COA1: variants seen among roughly 807,000 people sequenced by gnomAD.
COA1 encodes cytochrome c oxidase assembly factor 1, also known as cytochrome c oxidase assembly factor 1 homolog.
A neutral mutation model predicts 16.0 loss-of-function variants in COA1; 13 were observed. The ratio of observed to expected loss-of-function variants is 0.81; its 90% CI spans 0.53 to 1.29. The LOEUF (loss-of-function observed/expected upper bound fraction) is 1.29, where lower values mean the gene tolerates loss of function less well. Among genes scored for constraint, COA1 ranks in the 50% most tolerant of loss-of-function variants. The probability of loss-of-function intolerance (pLI) is 0.00; values close to 1 mark genes in which losing one functional copy is unlikely to be tolerated. For missense variants in COA1, 179 were observed against 177.0 expected, an observed-to-expected ratio of 1.01 and a Z score of -0.06; for synonymous variants, 65 against 65.7, an observed-to-expected ratio of 0.99 and a Z score of 0.05.
At chr7:43,718,159 T>C (rs1321560461) in intron 1 of COA1, among the ~76,000 whole-genome samples, 2 of 152,386 alleles carry the variant, frequency 1.3e-5, no homozygotes, top group African/African-American at 2.4e-5. Context: ...GAAACACCAC[T>C]AATAGCGTTT....
chr7:43,717,501 C>T (rs1011154566), intron 1 of COA1, among the ~76,000 whole-genome samples: 5 of 152,144 alleles, frequency 3.3e-5, no homozygotes, highest in Admixed American at 6.5e-5. Flanking sequence ...ACCTGTAAAC[C>T]CATTCTATCT....
downstream of COA1, among the ~76,000 whole-genome samples, chr7:43,638,537 T>C (rs988123798): frequency 1.3e-4 from 20 of 151,730 alleles, no homozygotes; most frequent in African/African-American, 3.9e-4. Flanking sequence ...TTCTTTTTCC[T>C]TTCCTTCCCT....
chr7:43,668,300 C>T (rs1005586810), intron 1 of COA1, among the ~76,000 whole-genome samples: 1 of 152,152 alleles, frequency 6.6e-6, no homozygotes, highest in African/African-American at 2.4e-5. Flanking sequence ...GGATACAAAC[C>T]CATGTGGATG....
intron 6 of COA1, among the ~76,000 whole-genome samples, chr7:43,615,557 G>T (rs1334114075): frequency 6.6e-6 from 1 of 152,138 alleles, no homozygotes; most frequent in East Asian, 1.9e-4. Context: ...AGTCATGATG[G>T]TACATAGGTG....
chr7:43,725,548 G>C (rs1413300166), intron 1 of COA1, among the ~76,000 whole-genome samples: 1 of 152,110 alleles, frequency 6.6e-6, no homozygotes, highest in African/African-American at 2.4e-5. Context: ...TTCTCAAAAT[G>C]CTCAGTTTCT....
intron 1 of COA1, among the ~76,000 whole-genome samples, chr7:43,675,321 T>C (rs1382176922): frequency 6.6e-6 from 1 of 152,100 alleles, no homozygotes. Flanking sequence ...CTCAGCAAAC[T>C]ATCCCAAGAA....
At chr7:43,684,636 G>C (rs1187330854) in intron 1 of COA1, among the ~76,000 whole-genome samples, 1 of 152,162 alleles carries the variant, frequency 6.6e-6, no homozygotes, top group Non-Finnish European at 1.5e-5. Context: ...AGGCTATAAA[G>C]AGCAAGGGGT....
intron 1 of COA1, among the ~76,000 whole-genome samples, chr7:43,683,974 G>C (rs2093894815): frequency 1.3e-5 from 2 of 152,308 alleles, no homozygotes; most frequent in Admixed American, 1.3e-4. Context: ...ACAACAATTA[G>C]GGATGACTCA....
In COA1 at chr7:43,640,602, G is replaced by T. The variant is rs780717871; in HGVS notation, c.312C>A (p.Val104=). Residue 104 remains valine, a synonymous_variant, in exon 5 of 6, where the codon GTC becomes GTA. Coordinates refer to ENST00000223336, the MANE Select transcript of COA1 (RefSeq NM_018224.4). Reference sequence around the variant, plus strand: ...GAAAGGGGCCACCTCTGGATGAGTGGACGTAGAGAAGGCCCTCTGATTTGG... The same window carrying T: ...GAAAGGGGCCACCTCTGGATGAGTGTACGTAGAGAAGGCCCTCTGATTTGG... ...SGSKSEGLLY[V]HSSRGGPFQR... The T allele has an allele frequency of 1.2e-5, 19 of 1,608,998 alleles. No individual in the cohort carries two copies. The South Asian group carries it at 2.1e-4, about 18-fold the overall frequency.
intron 1 of COA1, among the ~76,000 whole-genome samples, chr7:43,704,091 G>C (rs1220103688): frequency 6.6e-6 from 1 of 152,190 alleles, no homozygotes; most frequent in Non-Finnish European, 1.5e-5. Flanking sequence ...AGTTTGGCCA[G>C]ACATAAAATT....
intron 1 of COA1, among the ~76,000 whole-genome samples, chr7:43,676,837 T>A (rs577680895): frequency 6.6e-6 from 1 of 152,100 alleles, no homozygotes; most frequent in Admixed American, 6.5e-5. Flanking sequence ...CAAAGTTGGC[T>A]GAAAAAAATA....
At chr7:43,651,246 G>T (rs1020567929) in intron 1 of COA1, among the ~76,000 whole-genome samples, 4 of 152,160 alleles carry the variant, frequency 2.6e-5, no homozygotes, top group Admixed American at 6.5e-5. Flanking sequence ...CCAAATAAGG[G>T]CAGATTTACT....
intron 1 of COA1, among the ~76,000 whole-genome samples, chr7:43,677,514 T>TA (rs2093585500): frequency 6.6e-6 from 1 of 152,196 alleles, no homozygotes; most frequent in African/African-American, 2.4e-5. Context: ...ATCTTTGTTC[T>TA]GTAGCTGGGC....
At chr7:43,700,235 A>G (rs1249326813) in intron 1 of COA1, among the ~76,000 whole-genome samples, 1 of 151,914 alleles carries the variant, frequency 6.6e-6, no homozygotes, top group Non-Finnish European at 1.5e-5. Flanking sequence ...TCGATCAGTA[A>G]TAATATTTCA....
chr7:43,709,669 G>T (rs2095147313), intron 1 of COA1, among the ~76,000 whole-genome samples: 1 of 152,000 alleles, frequency 6.6e-6, no homozygotes, highest in Admixed American at 6.6e-5. Context: ...ATATAACACT[G>T]TCTTTGTTAA....
chr7:43,667,016 A>G (rs1456069744), intron 1 of COA1, among the ~76,000 whole-genome samples: 3 of 152,196 alleles, frequency 2.0e-5, no homozygotes, highest in African/African-American at 7.2e-5. Context: ...TCCCAGTCAA[A>G]TTGGTTATGA....
intron 1 of COA1, among the ~76,000 whole-genome samples, chr7:43,696,356 C>T (rs1200734801): frequency 1.3e-5 from 2 of 152,170 alleles, no homozygotes; most frequent in Admixed American, 6.5e-5. Context: ...CACCTGGCCC[C>T]GCCATTGACA....
chr7:43,729,323 T>G (rs1388601309), intron 1 of COA1, 106 bp downstream of exon 1: 1 of 152,316 alleles, frequency 6.6e-6, no homozygotes, highest in Non-Finnish European at 1.5e-5. Flanking sequence ...GAGGGAACTC[T>G]CCAAGAAGCA....
downstream of COA1, among the ~76,000 whole-genome samples, chr7:43,637,679 G>A (rs2086132789): frequency 1.3e-5 from 2 of 152,126 alleles, no homozygotes; most frequent in Non-Finnish European, 2.9e-5. Context: ...CACCCATAAA[G>A]GCATTAAGTG....
Sources: gnomAD v4.1 joint callset for allele counts (sites outside exome capture counted in the v4.1 genomes callset) on GRCh38, gnomAD v4.1.1 for gene constraint, MANE v1.5 for transcripts, NCBI Gene and HGNC (gene_info 2026-07-23, HGNC 2026-07-21) for gene names.